MDGA2: variants seen among roughly 807,000 people sequenced by gnomAD.
The protein encoded by MDGA2 is MAM domain-containing glycosylphosphatidylinositol anchor protein 2.
In MDGA2, 40 loss-of-function variants were observed where a neutral mutation model predicts 117.8. That is an observed-to-expected ratio of 0.34 (90% CI 0.26 to 0.44). MDGA2 has a LOEUF of 0.44. Among genes scored for constraint, MDGA2 ranks in the 20% least tolerant of loss-of-function variants. The pLI is 1.00. For synonymous variants in MDGA2, 452 were observed against 439.0 expected, an observed-to-expected ratio of 1.03 and a Z score of -0.37; for missense variants, 1,123 against 1,250.6, an observed-to-expected ratio of 0.90 and a Z score of 1.54.
At chr14:47,578,500 C>G (rs191541075) in intron 1 of MDGA2, among the ~76,000 whole-genome samples, 11 of 152,244 alleles carry the variant, frequency 7.2e-5, no homozygotes, top group Admixed American at 2.6e-4. Context: ...GAATTTCCAT[C>G]TTACTCTATG....
At chr14:47,203,703 C>G (rs1304543996) in intron 3 of MDGA2, among the ~76,000 whole-genome samples, 2 of 151,806 alleles carry the variant, frequency 1.3e-5, no homozygotes, top group African/African-American at 4.8e-5. Context: ...TTTCAGAAAC[C>G]CTAGGGGAAG....
chr14:47,003,134 T>C (rs536817749), intron 8 of MDGA2, among the ~76,000 whole-genome samples: 1 of 152,254 alleles, frequency 6.6e-6, no homozygotes, highest in Non-Finnish European at 1.5e-5. Context: ...GCTTCTTCCA[T>C]GAAGAATAAC....
intron 10 of MDGA2, among the ~76,000 whole-genome samples, chr14:46,902,501 G>A (rs965482175): frequency 6.6e-6 from 1 of 151,976 alleles, no homozygotes; most frequent in Non-Finnish European, 1.5e-5. Flanking sequence ...CTCTTTGAAG[G>A]AAAAAATCTT....
intron 5 of MDGA2, among the ~76,000 whole-genome samples, chr14:47,127,396 A>C (rs1226561279): frequency 6.6e-6 from 1 of 152,156 alleles, no homozygotes; most frequent in Non-Finnish European, 1.5e-5. Flanking sequence ...TTTGAAAGCT[A>C]CCTCATTTAT....
chr14:47,124,812 G>C (rs1018353872), intron 5 of MDGA2, among the ~76,000 whole-genome samples: 1 of 152,012 alleles, frequency 6.6e-6, no homozygotes, highest in African/African-American at 2.4e-5. Context: ...GTTATATGAA[G>C]ACACAGCAAG....
At chr14:47,417,409 C>T (rs1892496220) in intron 1 of MDGA2, among the ~76,000 whole-genome samples, 1 of 152,152 alleles carries the variant, frequency 6.6e-6, no homozygotes, top group South Asian at 2.1e-4. Flanking sequence ...TTTCCAGTAA[C>T]ATATTCTTCA....
At chr14:47,608,264 CT>C (rs1170926275) in intron 1 of MDGA2, among the ~76,000 whole-genome samples, 1 of 152,100 alleles carries the variant, frequency 6.6e-6, no homozygotes, top group African/African-American at 2.4e-5. Flanking sequence ...TTTATTAAGA[CT>C]TTTCCACTTT....
At chr14:47,012,353 AT>A (rs1428269736) in intron 8 of MDGA2, among the ~76,000 whole-genome samples, 1 of 152,132 alleles carries the variant, frequency 6.6e-6, no homozygotes, top group Non-Finnish European at 1.5e-5. Context: ...TTTTCCACTG[AT>A]TTATTATATC....
chr14:47,670,827 T>A (rs1898060949), intron 1 of MDGA2, among the ~76,000 whole-genome samples: 1 of 152,152 alleles, frequency 6.6e-6, no homozygotes, highest in African/African-American at 2.4e-5. Flanking sequence ...GGGAGAATTA[T>A]TTTAATATAA....
chr14:47,533,205 A>G (rs1283185337), intron 1 of MDGA2, among the ~76,000 whole-genome samples: 1 of 152,226 alleles, frequency 6.6e-6, no homozygotes, highest in East Asian at 1.9e-4. Flanking sequence ...GAATCCTTCA[A>G]AGGAATATCA....
intron 10 of MDGA2, among the ~76,000 whole-genome samples, chr14:46,886,163 T>C (rs545795569): frequency 6.6e-6 from 1 of 152,238 alleles, no homozygotes; most frequent in South Asian, 2.1e-4. Flanking sequence ...GGAGAGTAAT[T>C]TGCATTAAAA....
intron 1 of MDGA2, among the ~76,000 whole-genome samples, chr14:47,309,625 T>A (rs1889570544): frequency 6.6e-6 from 1 of 152,144 alleles, no homozygotes; most frequent in African/African-American, 2.4e-5. Context: ...GCTTCTGGCT[T>A]CAGATGGCAA....
At chr14:47,612,156 T>A (rs1896858930) in intron 1 of MDGA2, among the ~76,000 whole-genome samples, 2 of 152,070 alleles carry the variant, frequency 1.3e-5, no homozygotes, top group Non-Finnish European at 2.9e-5. Flanking sequence ...AAATTCTACT[T>A]TATCACTGCA....
At chr14:47,316,802 G>A (rs887277143) in intron 1 of MDGA2, among the ~76,000 whole-genome samples, 1 of 151,956 alleles carries the variant, frequency 6.6e-6, no homozygotes, top group Non-Finnish European at 1.5e-5. Flanking sequence ...TTATAAAATG[G>A]CATTTTCCAT....
intron 6 of MDGA2, among the ~76,000 whole-genome samples, chr14:47,082,544 C>A (rs1381020226): frequency 3.3e-5 from 5 of 151,958 alleles, no homozygotes; most frequent in African/African-American, 4.8e-5. Context: ...TCAATATGCT[C>A]AGCCACTGAT....
chr14:47,586,554 G>A (rs575452349), intron 1 of MDGA2, among the ~76,000 whole-genome samples: 1 of 151,968 alleles, frequency 6.6e-6, no homozygotes, highest in Non-Finnish European at 1.5e-5. Context: ...AAGTCCACTG[G>A]GCACATCTGG....
At chr14:46,922,943 A>G (rs1884187871) in intron 9 of MDGA2, among the ~76,000 whole-genome samples, 1 of 152,222 alleles carries the variant, frequency 6.6e-6, no homozygotes, top group Non-Finnish European at 1.5e-5. Flanking sequence ...TAGCTATCTT[A>G]TTATAGTTGA....
chr14:47,435,129 C>G (rs1281698874), intron 1 of MDGA2, among the ~76,000 whole-genome samples: 1 of 152,014 alleles, frequency 6.6e-6, no homozygotes, highest in Non-Finnish European at 1.5e-5. Context: ...GAGCAAGACT[C>G]CATCTCAAAA....
chr14:47,245,954 G>A (rs889920750), intron 2 of MDGA2, among the ~76,000 whole-genome samples: 5 of 151,534 alleles, frequency 3.3e-5, no homozygotes, highest in African/African-American at 7.3e-5. Context: ...TTTTGCAGAC[G>A]AAGAAATTGA....
Sources: allele counts gnomAD v4.1 joint callset (sites outside exome capture counted in the v4.1 genomes callset), GRCh38; gene constraint gnomAD v4.1.1; transcripts MANE v1.5; gene names NCBI Gene and HGNC (gene_info 2026-07-23, HGNC 2026-07-21).